The following SGCD variants were observed in gnomAD, a reference collection of about 807,000 sequenced individuals.
SGCD encodes delta-sarcoglycan.
In SGCD, 18 loss-of-function variants were observed where a neutral mutation model predicts 36.6. The ratio of observed to expected loss-of-function variants is 0.49; its 90% CI spans 0.34 to 0.73. The LOEUF (loss-of-function observed/expected upper bound fraction) is 0.73. Ranked by LOEUF, SGCD falls within the 30% of genes least tolerant of loss-of-function variation. The pLI is 0.01. For synonymous variants in SGCD, 133 were observed against 130.6 expected (o/e 1.02, Z -0.12); for missense variants, 387 against 346.7 (o/e 1.12, Z -0.92).
At position 156,190,468 on chromosome 5, in the gene SGCD, G is replaced by T. The variant is rs533297559; in HGVS notation, c.-44+66449G>T. On this transcript the variant is annotated intron_variant, in intron 3 of 9. Transcript: ENST00000517913. ...GGGCTTGCATGAAGAACAAAGAGGG[G>T]TTTTTAAGTTTTGCCCTATGTAATT... is the stretch of plus-strand genomic sequence containing the variant. Among the ~76,000 whole-genome samples the T allele has an allele frequency of 1.6e-4, 25 of 152,076 alleles. No individual in the cohort carries two copies. The South Asian group carries it at 1.9e-3, about 11-fold the overall frequency.
chr5:155,796,088 T>C, the SGCD span, among the ~76,000 whole-genome samples: 1 of 152,184 alleles, frequency 6.6e-6, no homozygotes, highest in South Asian at 2.1e-4. Context: ...ATTGAAGATC[T>C]GAACAGTAAC....
chr5:156,190,718 T>G (rs1157337652), intron 3 of SGCD, among the ~76,000 whole-genome samples: 1 of 152,118 alleles, frequency 6.6e-6, no homozygotes, highest in Non-Finnish European at 1.5e-5. Context: ...ACATGTACCT[T>G]TTAATAGGAA....
intron 3 of SGCD, among the ~76,000 whole-genome samples, chr5:156,132,458 CTTTTTT>C (rs573278623): frequency 9.8e-4 from 51 of 51,780 alleles, no homozygotes; most frequent in African/African-American, 4.0e-3. Context: ...CTTACCAAGT[CTTTTTT>C]TTTTTTTTTT....
intron 3 of SGCD, among the ~76,000 whole-genome samples, chr5:156,183,503 G>A (rs1339897065): frequency 1.3e-5 from 2 of 152,130 alleles, no homozygotes; most frequent in African/African-American, 4.8e-5. Flanking sequence ...CACCTCCAGG[G>A]TTAAAGTGAT....
intron 3 of SGCD, among the ~76,000 whole-genome samples, chr5:156,226,438 G>C (rs1764861222): frequency 6.6e-6 from 1 of 152,012 alleles, no homozygotes; most frequent in South Asian, 2.1e-4. Flanking sequence ...CACTGCATAT[G>C]TATACCAGTT....
chr5:156,015,817 C>G (rs1004765443), intron 1 of SGCD, among the ~76,000 whole-genome samples: 3 of 150,660 alleles, frequency 2.0e-5, no homozygotes, highest in African/African-American at 7.3e-5. Context: ...CACACACACA[C>G]AGTGCACTGC....
intron 1 of SGCD, among the ~76,000 whole-genome samples, chr5:155,901,316 G>GAA (rs11396332): frequency 4.7e-4 from 65 of 138,128 alleles, no homozygotes; most frequent in African/African-American, 7.1e-4. Context: ...CCATCTCAGA[G>GAA]AAAAAAAAAA....
the SGCD span, among the ~76,000 whole-genome samples, chr5:155,836,301 TC>T: frequency 2.0e-5 from 3 of 152,184 alleles, no homozygotes; most frequent in African/African-American, 7.2e-5. Flanking sequence ...ATATTGGCAG[TC>T]CCACTTGGTT....
chr5:156,156,755 G>A (rs887039634), intron 3 of SGCD, among the ~76,000 whole-genome samples: 1 of 151,342 alleles, frequency 6.6e-6, no homozygotes, highest in Admixed American at 6.6e-5. Context: ...GTCTTCTGAT[G>A]GGCTGATTGT....
chr5:155,965,275 G>A lies in SGCD; in HGVS notation c.-282+94851G>A, dbSNP rs199678138. Among the ~76,000 whole-genome samples, 17 of 152,150 alleles carry A rather than the reference G, an allele frequency of 1.1e-4. No individual in the cohort carries two copies. In the East Asian group the frequency reaches 1.2e-3, roughly 10 times the overall value. ...CAAATGATGCTGCCATCAACCATAC[G>A]TCTTAAAGCTGCCTCCTCTGATGTA... On this transcript the variant is annotated intron_variant, in intron 1 of 9. Transcript: ENST00000517913.
intron 3 of SGCD, among the ~76,000 whole-genome samples, chr5:156,223,805 A>G (rs1465902545): frequency 1.3e-5 from 2 of 151,996 alleles, no homozygotes; most frequent in African/African-American, 2.4e-5. Context: ...CAGGATGTAG[A>G]TTGTGTGACA....
At chr5:155,911,489 C>A (rs1443622010) in intron 1 of SGCD, among the ~76,000 whole-genome samples, 1 of 151,952 alleles carries the variant, frequency 6.6e-6, no homozygotes, top group African/African-American at 2.4e-5. Flanking sequence ...CACTCTGATT[C>A]CTGTTCACAC....
chr5:155,744,045 T>C, the SGCD span, among the ~76,000 whole-genome samples: 3 of 152,106 alleles, frequency 2.0e-5, no homozygotes, highest in Admixed American at 6.5e-5. Context: ...CAATTAAAGA[T>C]GACAAAAATA....
chr5:155,872,858 G>A (rs1376220161), intron 1 of SGCD, among the ~76,000 whole-genome samples: 7 of 152,174 alleles, frequency 4.6e-5, no homozygotes, highest in African/African-American at 1.2e-4. Context: ...TCCAGCATTC[G>A]TTGTTAGTTG....
intron 1 of SGCD, among the ~76,000 whole-genome samples, chr5:155,969,912 T>C (rs1048915685): frequency 1.3e-5 from 2 of 152,106 alleles, no homozygotes; most frequent in African/African-American, 4.8e-5. Flanking sequence ...AATTGGATAA[T>C]TTCTAAAACT....
At position 156,760,358 on chromosome 5, in the gene SGCD, A is replaced by G. The variant is rs1277338089; in HGVS notation, c.*968A>G. On this transcript the variant is annotated 3_prime_UTR_variant, in exon 9 of 9. Transcript: ENST00000337851. ...ACTCCTACCCCAAAAGAAGCCTGGA[A>G]GTCTAATTAAGAGTAGCATAAGGAA... is the stretch of plus-strand genomic sequence containing the variant. The G allele has an allele frequency of 6.6e-6, 1 of 152,260 alleles. No homozygotes were observed. The highest frequency in any genetic ancestry group is 6.5e-5 in the Admixed American group (1 of 15,288). The allele number at this position is 152,260 out of a possible 1,614,324, so 9.4% of individuals were successfully genotyped here.
Position 155,976,986 on chromosome 5 carries a change from G to C in SGCD, c.-282+106562G>C, listed in dbSNP as rs1018583100. On this transcript the variant is annotated intron_variant, in intron 1 of 9. Coordinates refer to the SGCD transcript ENST00000517913. ...GGATCCCCTTACTTCCCTCCCCTGG[G>C]CTTCACAGTTCTTAGAATAAGAAGA... Among the ~76,000 whole-genome samples, 4 of 152,218 alleles carry C rather than the reference G, an allele frequency of 2.6e-5. 1 individual carries two copies. In the Middle Eastern group the frequency reaches 0.01, roughly 388 times the overall value.
intron 1 of SGCD, among the ~76,000 whole-genome samples, chr5:156,024,815 G>T (rs564937911): frequency 6.6e-6 from 1 of 151,862 alleles, no homozygotes; most frequent in African/African-American, 2.4e-5. Flanking sequence ...AAAATTAGCC[G>T]GGCATGGTGG....
intron 2 of SGCD, among the ~76,000 whole-genome samples, chr5:156,335,068 T>C (rs1768274348): frequency 6.6e-6 from 1 of 152,154 alleles, no homozygotes; most frequent in South Asian, 2.1e-4. Context: ...ATTTATGAAA[T>C]GGTTTTAATT....
Sources: allele counts gnomAD v4.1 joint callset (sites outside exome capture counted in the v4.1 genomes callset), GRCh38; gene constraint gnomAD v4.1.1; transcripts MANE v1.5; gene names NCBI Gene and HGNC (gene_info 2026-07-23, HGNC 2026-07-21).